Variants in ATRNL1 observed in about 807,000 individuals in gnomAD.
ATRNL1 encodes attractin like 1.
A neutral mutation model predicts 182.7 loss-of-function variants in ATRNL1; 95 were observed. The observed-to-expected ratio is 0.52, with a 90% CI of 0.44 to 0.62. The LOEUF (loss-of-function observed/expected upper bound fraction) is 0.62, where lower values mean the gene tolerates loss of function less well. Among genes scored for constraint, ATRNL1 ranks in the 20% least tolerant of loss-of-function variants. The probability of loss-of-function intolerance (pLI) is 0.00; values close to 1 mark genes in which losing one functional copy is unlikely to be tolerated. For missense variants in ATRNL1, 1,471 were observed against 1,679.5 expected, an observed-to-expected ratio of 0.88 and a Z score of 2.17; for synonymous variants, 576 against 568.3, an observed-to-expected ratio of 1.01 and a Z score of -0.19.
At chr10:115,806,110 G>T (rs1365721133) in intron 27 of ATRNL1, among the ~76,000 whole-genome samples, 3 of 152,106 alleles carry the variant, frequency 2.0e-5, no homozygotes, top group African/African-American at 7.2e-5. Flanking sequence ...GCCTTTAAAA[G>T]AACTTACTTA....
intron 10 of ATRNL1, among the ~76,000 whole-genome samples, chr10:115,242,786 A>G (rs1564845631): frequency 6.6e-6 from 1 of 152,072 alleles, no homozygotes; most frequent in South Asian, 2.1e-4. Context: ...CTAAGTAATG[A>G]ATGTCATTCT....
intron 8 of ATRNL1, among the ~76,000 whole-genome samples, chr10:115,180,964 AAACAGT>A (rs1241146515): frequency 1.3e-5 from 2 of 151,890 alleles, no homozygotes; most frequent in Non-Finnish European, 2.9e-5. Flanking sequence ...AACTGTATAC[AAACAGT>A]ATAAATTGCA....
chr10:115,888,098 T>A (rs1555110235), intron 28 of ATRNL1, among the ~76,000 whole-genome samples: 1 of 152,146 alleles, frequency 6.6e-6, no homozygotes, highest in Non-Finnish European at 1.5e-5. Context: ...TTGCTTGCTC[T>A]CTAGACTTGT....
chr10:115,330,672 C>CTTTTTTTTTTTTTTTTT (rs200104323), intron 18 of ATRNL1, among the ~76,000 whole-genome samples: 7 of 101,364 alleles, frequency 6.9e-5, no homozygotes, highest in Non-Finnish European at 1.2e-4. Context: ...GTGTTATTTG[C>CTTTTTTTTTTTTTTTTT]TTTTTTTTTT....
At chr10:115,116,884 T>G (rs1844510552) in intron 1 of ATRNL1, among the ~76,000 whole-genome samples, 1 of 151,988 alleles carries the variant, frequency 6.6e-6, no homozygotes, top group Admixed American at 6.6e-5. Flanking sequence ...CTTTTAAGTT[T>G]GGGAAATTGT....
chr10:115,573,525 G>T (rs1346959580), intron 26 of ATRNL1, among the ~76,000 whole-genome samples: 1 of 152,004 alleles, frequency 6.6e-6, no homozygotes, highest in African/African-American at 2.4e-5. Context: ...AGAAATACCT[G>T]TTCTCATTTA....
chr10:115,364,911 A>T (rs1474108799), intron 19 of ATRNL1, among the ~76,000 whole-genome samples: 8 of 151,316 alleles, frequency 5.3e-5, no homozygotes, highest in African/African-American at 1.5e-4. Context: ...GTGCTGCTGG[A>T]TTCAGTTTGC....
At chr10:115,848,056 A>G in intron 28 of ATRNL1, 65 bp downstream of exon 28, 1 of 863,386 alleles carries the variant, frequency 1.2e-6, no homozygotes, top group Non-Finnish European at 2.0e-6. Flanking sequence ...AGAAATAAAC[A>G]ATACCACTAA....
chr10:115,679,844 A>G (rs1945991868), intron 26 of ATRNL1, among the ~76,000 whole-genome samples: 1 of 152,028 alleles, frequency 6.6e-6, no homozygotes, highest in South Asian at 2.1e-4. Flanking sequence ...ATTCCATTTC[A>G]TTTCTCTTTG....
chr10:115,534,552 C>T (rs552937388), intron 25 of ATRNL1, among the ~76,000 whole-genome samples: 13 of 152,352 alleles, frequency 8.5e-5, no homozygotes, highest in African/African-American at 3.1e-4. Context: ...GGTCTTGACT[C>T]TTTATCCAGT....
intron 19 of ATRNL1, among the ~76,000 whole-genome samples, chr10:115,344,484 C>T (rs1409769481): frequency 1.3e-5 from 2 of 151,974 alleles, no homozygotes; most frequent in African/African-American, 4.8e-5. Context: ...CTTAAGTAAG[C>T]TTATGGTGAA....
Position 115,120,219 on chromosome 10 carries a change from C to A in ATRNL1, c.328C>A (p.Pro110Thr). Residue 110 changes from proline to threonine, a missense_variant, in exon 2 of 29, where the codon CCA (proline) becomes ACA (threonine). This residue lies in a region of ATRNL1 where 1,031 missense variants were observed against 1,156.0 expected (regional missense o/e 0.89). Transcript: ENST00000355044. ...TEPSGYLTDG[P>T]INYKYKTKCT... is the part of the protein sequence containing the mutation. ...ACCTTCTGGATATTTAACAGATGGC[C>A]CAATTAACTATAAATATAAAACTAA... 1 of 1,575,948 alleles carries A rather than the reference C, an allele frequency of 6.3e-7. No individual in the cohort carries two copies. The highest frequency in any genetic ancestry group is 8.7e-7 in the Non-Finnish European group (1 of 1,148,716).
chr10:115,596,636 A>G (rs1017260250), intron 26 of ATRNL1, among the ~76,000 whole-genome samples: 4 of 152,182 alleles, frequency 2.6e-5, no homozygotes, highest in African/African-American at 9.6e-5. Context: ...GGGCGTGTTT[A>G]GTTGGAACTG....
chr10:115,615,985 T>C lies in ATRNL1; in HGVS notation c.3795+66449T>C, dbSNP rs1857407045. 2.6e-5 allele frequency among the ~76,000 whole-genome samples: 4 copies of C among 152,060 alleles called. No homozygotes were observed. The South Asian group carries it at 8.3e-4, about 32-fold the overall frequency. Reference sequence around the variant, plus strand: ...TTTGGGACTGGGTAATGGGCAGTGGTTGAAATAGTGGAGGCCTCAGAAGAA... The same window carrying C: ...TTTGGGACTGGGTAATGGGCAGTGGCTGAAATAGTGGAGGCCTCAGAAGAA... On this transcript the variant is annotated intron_variant, in intron 26 of 28. Transcript: ENST00000355044.
intron 28 of ATRNL1, among the ~76,000 whole-genome samples, chr10:115,864,784 C>A (rs764452406): frequency 1.4e-4 from 22 of 152,054 alleles, no homozygotes; most frequent in Non-Finnish European, 3.1e-4. Context: ...AGATCGAGAC[C>A]ATCCCGGCTA....
intron 17 of ATRNL1, among the ~76,000 whole-genome samples, chr10:115,304,545 T>C (rs1853632550): frequency 6.6e-6 from 1 of 152,046 alleles, no homozygotes; most frequent in Non-Finnish European, 1.5e-5. Context: ...GACAGAGGGA[T>C]GGGGGCTCCA....
rs558202192 is a variant in ATRNL1 at position 115,329,862 on chromosome 10, G to A, written c.3038-4420G>A. ...TTTGTCTTTTATTTGGAGAATTTAA[G>A]CCCTTTACATTCAAGGTAATTATTG... On this transcript the variant is annotated intron_variant, in intron 18 of 28. Coordinates refer to ENST00000355044, the MANE Select transcript of ATRNL1 (RefSeq NM_207303.4). 1.8e-4 allele frequency among the ~76,000 whole-genome samples: 27 copies of A among 152,090 alleles called. No individual in the cohort carries two copies. In the South Asian group the frequency reaches 5.4e-3, roughly 30 times the overall value.
intron 1 of ATRNL1, among the ~76,000 whole-genome samples, chr10:115,114,550 CAAAT>C (rs547446842): frequency 2.4e-4 from 36 of 152,108 alleles, no homozygotes; most frequent in East Asian, 3.9e-4. Context: ...AACAAGAAAA[CAAAT>C]AACCCCTATT....
chr10:115,334,478 A>G, intron 19 of ATRNL1, 59 bp downstream of exon 19: 2 of 1,343,750 alleles, frequency 1.5e-6, no homozygotes, highest in Non-Finnish European at 2.0e-6. Context: ...TAATTAAGAA[A>G]GCAGCGCCTG....
Sources: gnomAD v4.1 joint callset for allele counts (sites outside exome capture counted in the v4.1 genomes callset) on GRCh38, gnomAD v4.1.1 for gene constraint, gnomAD v4.1.1 regional missense constraint, MANE v1.5 for transcripts, NCBI Gene and HGNC (gene_info 2026-07-23, HGNC 2026-07-21) for gene names.